Variants in LRRN1 observed in about 807,000 individuals in gnomAD.
LRRN1 encodes the protein leucine-rich repeat neuronal protein 1.
In LRRN1, 14 loss-of-function variants were observed where a neutral mutation model predicts 45.8. That is an observed-to-expected ratio of 0.31 (90% CI 0.20 to 0.48). The LOEUF (loss-of-function observed/expected upper bound fraction) is 0.48. LRRN1 is among the 20% of genes least tolerant of loss of function. LRRN1 has a pLI of 0.99. For synonymous variants in LRRN1, 359 were observed against 330.1 expected (o/e 1.09, Z -0.95); for missense variants, 789 against 874.2 (o/e 0.90, Z 1.23).
At chr3:3,835,617 T>C (rs1470670651) in intron 1 of LRRN1, among the ~76,000 whole-genome samples, 2 of 137,322 alleles carry the variant, frequency 1.5e-5, no homozygotes, top group Non-Finnish European at 3.1e-5. Context: ...GTAACAGAAA[T>C]ACAAATAACT....
At chr3:3,806,740 C>T (rs1692768870) in intron 1 of LRRN1, among the ~76,000 whole-genome samples, 1 of 152,168 alleles carries the variant, frequency 6.6e-6, no homozygotes, top group Non-Finnish European at 1.5e-5. Flanking sequence ...CTCATTTGAC[C>T]TATAACATCC....
intron 1 of LRRN1, among the ~76,000 whole-genome samples, chr3:3,836,348 T>C (rs964131579): frequency 3.3e-5 from 5 of 152,200 alleles, no homozygotes; most frequent in Admixed American, 2.6e-4. Flanking sequence ...AAACACTAAT[T>C]CCCTCTACCT....
Position 3,801,331 on chromosome 3 carries a change from C to T in LRRN1, c.-279+1412C>T, listed in dbSNP as rs1692648334. The T allele has an allele frequency of 2.0e-5, 3 of 152,182 alleles. 1 individual carries two copies. Among genetic ancestry groups the T allele is most frequent in the Admixed American group, 2.0e-4 (3 of 15,284 alleles). The allele number at this position is 152,182 out of a possible 1,614,324, so 9.4% of individuals were successfully genotyped here. On this transcript the variant is annotated intron_variant, in intron 1 of 1. Coordinates refer to ENST00000319331, the MANE Select transcript of LRRN1 (RefSeq NM_020873.7). Reference sequence around the variant, plus strand: ...AGGGAACAGGTGCTGCCGACTCTGGCTTTTGCGTGGAGGATTTTCTAAAAG... The same window carrying T: ...AGGGAACAGGTGCTGCCGACTCTGGTTTTTGCGTGGAGGATTTTCTAAAAG...
At chr3:3,801,510 C>T (rs754924065) in intron 1 of LRRN1, among the ~76,000 whole-genome samples, 3 of 152,148 alleles carry the variant, frequency 2.0e-5, no homozygotes, top group Non-Finnish European at 4.4e-5. Context: ...TTATTGGCTC[C>T]AGGGCCATAT....
chr3:3,816,537 G>GA lies in LRRN1; in HGVS notation c.-279+16627dup, dbSNP rs912485596. 6.2e-4 allele frequency among the ~76,000 whole-genome samples: 94 copies of GA among 150,814 alleles called. No individual in the cohort carries two copies. The highest frequency in any genetic ancestry group is 4.4e-4 in the African/African-American group (18 of 41,184). ...TAATTTAACCAGGGCTTTCAATTAAGAAAAAAAAATATTCCAATATGAGTT... is the reference window on the plus strand; with the variant it reads ...TAATTTAACCAGGGCTTTCAATTAAGAAAAAAAAAATATTCCAATATGAGTT... On this transcript the variant is annotated intron_variant, in intron 1 of 1. Transcript: ENST00000319331. This position sits in a 1 kb window ranked among gnomAD's most constrained non-coding sequence, Gnocchi z 4.0.
At chr3:3,829,233 C>T (rs1559298471) in intron 1 of LRRN1, among the ~76,000 whole-genome samples, 2 of 152,108 alleles carry the variant, frequency 1.3e-5, no homozygotes, top group Non-Finnish European at 2.9e-5. Flanking sequence ...CCAGCCAAAA[C>T]TGTAACTCCC....
chr3:3,841,115 T>C (rs1043505030), intron 1 of LRRN1, among the ~76,000 whole-genome samples: 4 of 152,042 alleles, frequency 2.6e-5, no homozygotes, highest in African/African-American at 9.7e-5. Context: ...CTGGCTAATG[T>C]GGCAAAACCT....
In LRRN1 at chr3:3,816,679, C is replaced by T. The variant is rs1341546997; in HGVS notation, c.-279+16760C>T. The stretch of plus-strand genomic sequence containing the variant: ...CTATAAAAGCTTTCTAGGAAACCTT[C>T]AGTCAAACAGAAAATTAAATTTGCA... On this transcript the variant is annotated intron_variant, in intron 1 of 1. Coordinates refer to ENST00000319331, the MANE Select transcript of LRRN1 (RefSeq NM_020873.7). The surrounding 1 kb of genome is among the most constrained non-coding windows in gnomAD (Gnocchi z 4.0). 1.3e-5 allele frequency among the ~76,000 whole-genome samples: 2 copies of T among 152,170 alleles called. No homozygotes were observed. The highest frequency in any genetic ancestry group is 2.9e-5 in the Non-Finnish European group (2 of 68,026).
chr3:3,811,269 G>C (rs1209394473), intron 1 of LRRN1, among the ~76,000 whole-genome samples: 1 of 152,194 alleles, frequency 6.6e-6, no homozygotes, highest in Non-Finnish European at 1.5e-5. Flanking sequence ...TCCAGACTGA[G>C]TTAGTCACAT....
At chr3:3,833,336 T>C (rs565908377) in intron 1 of LRRN1, among the ~76,000 whole-genome samples, 1 of 152,220 alleles carries the variant, frequency 6.6e-6, no homozygotes, top group Non-Finnish European at 1.5e-5. Flanking sequence ...ATACTTCAGC[T>C]AACCAAGCAA....
chr3:3,801,724 C>G (rs1015119597), intron 1 of LRRN1, among the ~76,000 whole-genome samples: 1 of 152,324 alleles, frequency 6.6e-6, no homozygotes, highest in Non-Finnish European at 1.5e-5. Flanking sequence ...GAGCCAAATT[C>G]TTTAAGTGCT....
chr3:3,843,812 A>G (rs1177111913), intron 1 of LRRN1, among the ~76,000 whole-genome samples: 1 of 152,258 alleles, frequency 6.6e-6, no homozygotes, highest in Non-Finnish European at 1.5e-5. Flanking sequence ...TAGCATTTAG[A>G]AAAGAAAGAC....
At chr3:3,833,266 C>T (rs1025208979) in intron 1 of LRRN1, among the ~76,000 whole-genome samples, 2 of 152,196 alleles carry the variant, frequency 1.3e-5, no homozygotes, top group Admixed American at 6.6e-5. Context: ...CCTTCCTCTA[C>T]ATTAAACCAA....
intron 1 of LRRN1, among the ~76,000 whole-genome samples, chr3:3,813,401 C>T (rs1406979276): frequency 6.6e-6 from 1 of 152,242 alleles, no homozygotes; most frequent in East Asian, 1.9e-4. Flanking sequence ...TTTGTATTGA[C>T]TTATAAGTAA....
At chr3:3,839,095 C>T (rs948285933) in intron 1 of LRRN1, among the ~76,000 whole-genome samples, 1 of 151,986 alleles carries the variant, frequency 6.6e-6, no homozygotes, top group African/African-American at 2.4e-5. Flanking sequence ...TACCCTGAAG[C>T]TTTTTCCTTA....
chr3:3,806,423 G>T (rs1169714915), intron 1 of LRRN1, among the ~76,000 whole-genome samples: 2 of 152,208 alleles, frequency 1.3e-5, no homozygotes, highest in African/African-American at 4.8e-5. Flanking sequence ...CAAGTGCTCA[G>T]CAGGAGACGA....
chr3:3,809,839 C>T (rs1157543274), intron 1 of LRRN1, among the ~76,000 whole-genome samples: 5 of 152,144 alleles, frequency 3.3e-5, no homozygotes, highest in Admixed American at 3.3e-4. Context: ...AAGGTACATA[C>T]TTAGTATACA....
intron 1 of LRRN1, among the ~76,000 whole-genome samples, chr3:3,809,843 G>A (rs1381815854): frequency 6.6e-6 from 1 of 152,202 alleles, no homozygotes; most frequent in East Asian, 1.9e-4. Flanking sequence ...TACATACTTA[G>A]TATACAGTAG....
chr3:3,840,265 G>A (rs764191119), intron 1 of LRRN1, among the ~76,000 whole-genome samples: 2 of 152,104 alleles, frequency 1.3e-5, no homozygotes, highest in Non-Finnish European at 2.9e-5. Flanking sequence ...CTGTTAATGT[G>A]GCATATTATA....
Sources: allele counts gnomAD v4.1 joint callset (sites outside exome capture counted in the v4.1 genomes callset), GRCh38; gene constraint gnomAD v4.1.1; non-coding constraint Gnocchi (gnomAD v3.1); transcripts MANE v1.5; gene names NCBI Gene and HGNC (gene_info 2026-07-23, HGNC 2026-07-21).